Variants in CMTM4 observed in about 807,000 individuals in gnomAD.
CMTM4 encodes the protein CKLF-like MARVEL transmembrane domain-containing protein 4.
Under a neutral mutation model 19.0 loss-of-function variants are expected in CMTM4, and 8 were observed. The observed-to-expected ratio is 0.42, with a 90% confidence interval of 0.25 to 0.76. The LOEUF is 0.76. Among genes scored for constraint, CMTM4 ranks in the 30% least tolerant of loss-of-function variants. The probability of loss-of-function intolerance (pLI) is 0.27; values close to 1 mark genes in which losing one functional copy is unlikely to be tolerated. For missense variants in CMTM4, 228 were observed against 290.2 expected, an observed-to-expected ratio of 0.79 and a Z score of 1.56; for synonymous variants, 106 against 121.1, an observed-to-expected ratio of 0.88 and a Z score of 0.82.
the CMTM4 span, among the ~76,000 whole-genome samples, chr16:66,601,093 GTGTGTGTGTGTGTC>G: frequency 6.7e-6 from 1 of 148,768 alleles, no homozygotes; most frequent in Non-Finnish European, 1.5e-5. Flanking sequence ...TTGTGTGTGT[GTGTGTGTGTGTGTC>G]TGTGTGTGTG....
chr16:66,690,645 A>C (rs1373683347), intron 1 of CMTM4, among the ~76,000 whole-genome samples: 1 of 152,202 alleles, frequency 6.6e-6, no homozygotes, highest in East Asian at 1.9e-4. Context: ...GCAAATACTC[A>C]CATTTGTTTT....
chr16:66,642,641 T>C (rs980608898), intron 1 of CMTM4, among the ~76,000 whole-genome samples: 1 of 152,094 alleles, frequency 6.6e-6, no homozygotes, highest in African/African-American at 2.4e-5. Context: ...ACTTGAACCC[T>C]GGAGGTAGAG....
rs931943685 is a variant in CMTM4, at chr16:66,624,915, G to A, written c.364-1413C>T. On this transcript the variant is annotated intron_variant, in intron 2 of 3. Transcript: ENST00000394106. Reference sequence around the variant, plus strand: ...AGGATGGGTTTCAGCTATGACCTGCGTAAGCCAGGGCAAATTTTTCACAAA... The same window carrying A: ...AGGATGGGTTTCAGCTATGACCTGCATAAGCCAGGGCAAATTTTTCACAAA... Among the ~76,000 whole-genome samples, 9 of 152,202 alleles carry A rather than the reference G, an allele frequency of 5.9e-5. No individual in the cohort carries two copies. In the South Asian group the frequency reaches 6.2e-4, roughly 10 times the overall value.
At position 66,617,303 on chromosome 16, in the gene CMTM4, TCAG is replaced by T. The variant is rs1258959398; in HGVS notation, c.*4752_*4754del. On this transcript the variant is annotated 3_prime_UTR_variant, in exon 4 of 4. Coordinates refer to ENST00000394106, the MANE Select transcript of CMTM4 (RefSeq NM_181521.3). ...TAGGCAAGTTGCCAGTGATTCAAACTCAGCAGGTTTGTGGGTGATTTTTTCCTT... is the reference window on the plus strand; with the variant it reads ...TAGGCAAGTTGCCAGTGATTCAAACTCAGGTTTGTGGGTGATTTTTTCCTT... 2.5e-6 allele frequency: 4 copies of T among 1,614,036 alleles called. No homozygotes were observed. The highest frequency in any genetic ancestry group is 3.4e-6 in the Non-Finnish European group (4 of 1,180,008).
chr16:66,684,340 A>C (rs1444054112), intron 1 of CMTM4, among the ~76,000 whole-genome samples: 2 of 151,416 alleles, frequency 1.3e-5, no homozygotes, highest in African/African-American at 2.4e-5. Context: ...AGCCTAGCTA[A>C]TTTTTTTTGC....
intron 1 of CMTM4, among the ~76,000 whole-genome samples, chr16:66,647,528 T>C (rs1039691122): frequency 1.3e-5 from 2 of 151,874 alleles, no homozygotes; most frequent in Non-Finnish European, 2.9e-5. Context: ...TGATACACCA[T>C]TGGGGGTAAG....
chr16:66,672,151 C>A (rs2016719051), intron 1 of CMTM4, among the ~76,000 whole-genome samples: 1 of 152,028 alleles, frequency 6.6e-6, no homozygotes, highest in South Asian at 2.1e-4. Context: ...GTGCCTCATG[C>A]CTGAAATCCC....
intron 1 of CMTM4, among the ~76,000 whole-genome samples, chr16:66,680,250 G>A (rs552978681): frequency 6.6e-5 from 10 of 152,212 alleles, no homozygotes; most frequent in East Asian, 3.9e-4. Flanking sequence ...AGGCCAAGGC[G>A]TATGGATCAC....
chr16:66,647,443 G>A (rs974315962), intron 1 of CMTM4, among the ~76,000 whole-genome samples: 1 of 151,904 alleles, frequency 6.6e-6, no homozygotes, highest in East Asian at 1.9e-4. Flanking sequence ...CATCTGAGAA[G>A]TCAAAAACTT....
intron 2 of CMTM4, among the ~76,000 whole-genome samples, chr16:66,625,106 G>A (rs1198035827): frequency 6.6e-6 from 1 of 152,186 alleles, no homozygotes; most frequent in Non-Finnish European, 1.5e-5. Context: ...AACATTAACA[G>A]TGACTACATA....
At chr16:66,687,096 A>G (rs1043764098) in intron 1 of CMTM4, among the ~76,000 whole-genome samples, 1 of 150,850 alleles carries the variant, frequency 6.6e-6, no homozygotes. Flanking sequence ...GTTTTCCATT[A>G]GCATCAACAA....
chr16:66,599,552 G>A, the CMTM4 span, among the ~76,000 whole-genome samples: 3 of 152,184 alleles, frequency 2.0e-5, no homozygotes, highest in East Asian at 5.8e-4. Flanking sequence ...CTAGAGTGCA[G>A]TGAGGAGATC....
At chr16:66,680,958 C>T (rs959835668) in intron 1 of CMTM4, among the ~76,000 whole-genome samples, 1 of 152,128 alleles carries the variant, frequency 6.6e-6, no homozygotes, top group African/African-American at 2.4e-5. Flanking sequence ...CTTCTCAAAG[C>T]CATTGCACAC....
rs761158595 is a variant in CMTM4 at position 66,622,086 on chromosome 16, C to T, written c.599G>A (p.Arg200His). ...CGTGTCCAGGCGCTGGATCTCAGGG[C>T]GACTGTCCACATCCCTGGACTCCGT... ...ARTESRDVDSRPEIQRLDT is the reference protein window; with the variant it reads ...ARTESRDVDSHPEIQRLDT The change falls in exon 4 of 4, where the codon CGC (arginine) becomes CAC (histidine). Residue 200 changes from arginine (R) to histidine (H), a missense_variant. Transcript: ENST00000394106. This position sits in a 1 kb window ranked among gnomAD's most constrained non-coding sequence, Gnocchi z 4.0. 21 of 1,577,626 alleles carry T rather than the reference C, an allele frequency of 1.3e-5. No individual in the cohort carries two copies. Among genetic ancestry groups the T allele is most frequent in the Non-Finnish European group, 1.7e-5 (20 of 1,160,794 alleles).
At chr16:66,670,103 G>A (rs2016675352) in intron 1 of CMTM4, among the ~76,000 whole-genome samples, 1 of 152,054 alleles carries the variant, frequency 6.6e-6, no homozygotes, top group Non-Finnish European at 1.5e-5. Context: ...CCAGAGAGAG[G>A]CTAAAGCATA....
the CMTM4 span, among the ~76,000 whole-genome samples, chr16:66,601,904 C>T: frequency 6.6e-6 from 1 of 152,274 alleles, no homozygotes; most frequent in South Asian, 2.1e-4. Context: ...TGGAGGAGGC[C>T]CCATTCTGCA....
intron 2 of CMTM4, among the ~76,000 whole-genome samples, chr16:66,629,273 G>A (rs2015803208): frequency 6.6e-6 from 1 of 152,206 alleles, no homozygotes; most frequent in African/African-American, 2.4e-5. Flanking sequence ...CAGGAGACAA[G>A]AACGTTTGCA....
In CMTM4 at chr16:66,630,392, G is replaced by A. The variant is rs1172954140; in HGVS notation, c.363+6013C>T. On this transcript the variant is annotated intron_variant, in intron 2 of 3. Coordinates refer to ENST00000394106, the MANE Select transcript of CMTM4 (RefSeq NM_181521.3). ...CACGGTCTCCCTCTGATGCCGAGCC[G>A]AAGCTGGACTGTACTGCTGCCATCT... is the stretch of plus-strand genomic sequence containing the variant. Among the ~76,000 whole-genome samples the A allele has an allele frequency of 1.3e-4, 19 of 142,398 alleles. No individual in the cohort carries two copies. The South Asian group carries it at 1.4e-3, about 10-fold the overall frequency. The allele number at this position is 142,398 out of a possible 152,430, so 93.4% of individuals were successfully genotyped here.
Position 66,617,121 on chromosome 16 carries a change from C to T in CMTM4, c.*4937G>A. On this transcript the variant is annotated 3_prime_UTR_variant, in exon 4 of 4. Coordinates refer to ENST00000394106, the MANE Select transcript of CMTM4 (RefSeq NM_181521.3). Reference sequence around the variant, plus strand: ...GGGTCCAAGCCAAAGGCTCCCTGGCCTTTGTGTATTATGCATCCCAAAGAA... The same window carrying T: ...GGGTCCAAGCCAAAGGCTCCCTGGCTTTTGTGTATTATGCATCCCAAAGAA... 1.5e-6 allele frequency: 1 copy of T among 664,802 alleles called. No homozygotes were observed. The highest frequency in any genetic ancestry group is 2.2e-5 in the South Asian group (1 of 44,562). 41.2% of individuals were successfully genotyped at this position (664,802 alleles called of 1,614,324 possible).
Sources: allele counts gnomAD v4.1 joint callset (sites outside exome capture counted in the v4.1 genomes callset), GRCh38; gene constraint gnomAD v4.1.1; non-coding constraint Gnocchi (gnomAD v3.1); transcripts MANE v1.5; gene names NCBI Gene and HGNC (gene_info 2026-07-23, HGNC 2026-07-21).